NETO2: variants seen among roughly 807,000 people sequenced by gnomAD.
NETO2 encodes the protein neuropilin and tolloid-like protein 2.
Under a neutral mutation model 62.5 loss-of-function variants are expected in NETO2, and 28 were observed. The observed-to-expected ratio is 0.45, with a 90% CI of 0.33 to 0.61. NETO2 has a LOEUF of 0.61. NETO2 is among the 20% of genes least tolerant of loss of function. The pLI is 0.02. For synonymous variants in NETO2, 214 were observed against 219.1 expected, an observed-to-expected ratio of 0.98 and a Z score of 0.21; for missense variants, 548 against 643.2, an observed-to-expected ratio of 0.85 and a Z score of 1.60.
intron 6 of NETO2, among the ~76,000 whole-genome samples, chr16:47,115,427 A>C (rs1177679353): frequency 1.3e-5 from 2 of 152,058 alleles, no homozygotes; most frequent in Non-Finnish European, 2.9e-5. Flanking sequence ...GTTTTCAGTT[A>C]ACAGATACTA....
intron 7 of NETO2, among the ~76,000 whole-genome samples, chr16:47,103,872 A>C (rs1467416578): frequency 1.3e-5 from 2 of 152,196 alleles, no homozygotes; most frequent in Non-Finnish European, 2.9e-5. Context: ...AATAGAAAAA[A>C]AATTTCCTTC....
intron 7 of NETO2, among the ~76,000 whole-genome samples, chr16:47,106,536 C>A (rs1414882743): frequency 6.6e-6 from 1 of 152,042 alleles, no homozygotes; most frequent in Non-Finnish European, 1.5e-5. Context: ...CGAAATTACA[C>A]AACTTTTTAA....
chr16:47,086,746 T>A (rs1963198344), intron 7 of NETO2, among the ~76,000 whole-genome samples: 1 of 152,168 alleles, frequency 6.6e-6, no homozygotes, highest in African/African-American at 2.4e-5. Context: ...CCTCAAAAAG[T>A]TAAAGATAGA....
chr16:47,109,472 T>A lies in NETO2; in HGVS notation c.883+11A>T. On this transcript the variant is annotated intron_variant, in intron 7 of 8. Transcript: ENST00000562435. ...TAAAAGATCTCAATACTATAGGAAT[T>A]ATTTACTTACGCTCCACAAAGGAAG... 1 of 1,589,766 alleles carries A rather than the reference T, an allele frequency of 6.3e-7. No homozygotes were observed. The highest frequency in any genetic ancestry group is 8.6e-7 in the Non-Finnish European group (1 of 1,162,242).
intron 7 of NETO2, among the ~76,000 whole-genome samples, chr16:47,108,896 A>C (rs994375993): frequency 1.3e-5 from 2 of 152,236 alleles, no homozygotes; most frequent in Admixed American, 6.5e-5. Context: ...AAGTTATTTA[A>C]AAAGAAAAAG....
Position 47,132,045 on chromosome 16 carries a change from GAA to G in NETO2, c.35-22_35-21del. 3.2e-6 allele frequency: 5 copies of G among 1,576,576 alleles called. No homozygotes were observed. The highest frequency in any genetic ancestry group is 4.4e-6 in the Non-Finnish European group (5 of 1,148,306). ...ACAACACTAGAGAAATAACAGAGAA[GAA>G]AAGTTATGAAATTGAATCTATACTA... On this transcript the variant is annotated intron_variant, in intron 1 of 8. Transcript: ENST00000562435.
rs7189436 is a variant in NETO2 at position 47,079,318 on chromosome 16, A to G, written c.*3903T>C. On this transcript the variant is annotated 3_prime_UTR_variant, in exon 9 of 9. Transcript: ENST00000562435. ...AACAGAAAAACAAAAACAGAAGGCC[A>G]GGCGCGGTGGCTCACGCCTGTAATC... 0.99 allele frequency: 149,992 copies of G among 151,912 alleles called. 74,061 individuals are homozygous for G. Among genetic ancestry groups the G allele is most frequent in the East Asian group, 1 (4,998 of 4,998 alleles). 9.4% of individuals were successfully genotyped at this position (151,912 alleles called of 1,614,324 possible). A position where few individuals can be genotyped will look rare whatever the true frequency, so the allele number is the denominator to read the frequency against.
chr16:47,142,061 G>C (rs774182403), intron 1 of NETO2, among the ~76,000 whole-genome samples: 1 of 152,180 alleles, frequency 6.6e-6, no homozygotes, highest in East Asian at 1.9e-4. Context: ...CAACCTTACC[G>C]TAGTGAGGGC....
rs1028669998 is a variant in NETO2 at position 47,080,339 on chromosome 16, T to C, written c.*2882A>G. The C allele has an allele frequency of 1.3e-5, 2 of 152,218 alleles. No homozygotes were observed. Among genetic ancestry groups the C allele is most frequent in the Non-Finnish European group, 2.9e-5 (2 of 68,034 alleles). 9.4% of individuals were successfully genotyped at this position (152,218 alleles called of 1,614,324 possible). On this transcript the variant is annotated 3_prime_UTR_variant, in exon 9 of 9. Transcript: ENST00000562435. Reference sequence around the variant, plus strand: ...TGAAGATATTTATCCCTTCCAGATTTGCATTTTGTGTTCAACACTGGGACA... The same window carrying C: ...TGAAGATATTTATCCCTTCCAGATTCGCATTTTGTGTTCAACACTGGGACA...
At chr16:47,123,401 G>A (rs1262207363) in intron 4 of NETO2, among the ~76,000 whole-genome samples, 2 of 152,082 alleles carry the variant, frequency 1.3e-5, no homozygotes, top group East Asian at 1.9e-4. Flanking sequence ...AGCTACTTGG[G>A]AAGCTGACCT....
Position 47,080,529 on chromosome 16 carries a change from A to G in NETO2, c.*2692T>C, listed in dbSNP as rs757829083. 1.4e-4 allele frequency: 22 copies of G among 152,370 alleles called. No homozygotes were observed. Among genetic ancestry groups the G allele is most frequent in the Admixed American group, 2.6e-4 (4 of 15,312 alleles). The allele number at this position is 152,370 out of a possible 1,614,324, so 9.4% of individuals were successfully genotyped here. On this transcript the variant is annotated 3_prime_UTR_variant, in exon 9 of 9. Coordinates refer to ENST00000562435, the MANE Select transcript of NETO2 (RefSeq NM_018092.5). ...ATTAAAGGCTGTATATACAGCAATT[A>G]GCATTATTCTGGCAATAATGCCTAA...
rs1464874109 is a variant in NETO2, at chr16:47,078,623, A to G, written c.*4598T>C. 1.3e-5 allele frequency: 2 copies of G among 152,254 alleles called. No individual in the cohort carries two copies. Among genetic ancestry groups the G allele is most frequent in the Non-Finnish European group, 2.9e-5 (2 of 68,032 alleles). The allele number at this position is 152,254 out of a possible 1,614,324, so 9.4% of individuals were successfully genotyped here. A position where few individuals can be genotyped will look rare whatever the true frequency, so the allele number is the denominator to read the frequency against. On this transcript the variant is annotated 3_prime_UTR_variant, in exon 9 of 9. Transcript: ENST00000562435. ...GATTTTGCAGAAAACTAAAATATCC[A>G]AGATAATCTTGTTATTTACAGTAAC... is the stretch of plus-strand genomic sequence containing the variant.
Position 47,139,268 on chromosome 16 carries a change from C to A in NETO2, c.34+4311G>T, listed in dbSNP as rs774823468. Reference sequence around the variant, plus strand: ...CATAGCACAGTAACTGACAGGCACACATCTTGGATGAACAAACAGTAGCCA... The same window carrying A: ...CATAGCACAGTAACTGACAGGCACAAATCTTGGATGAACAAACAGTAGCCA... On this transcript the variant is annotated intron_variant, in intron 1 of 8. Coordinates refer to ENST00000562435, the MANE Select transcript of NETO2 (RefSeq NM_018092.5). 4.3e-4 allele frequency among the ~76,000 whole-genome samples: 66 copies of A among 152,196 alleles called. 1 individual carries two copies. The highest frequency in any genetic ancestry group is 1.3e-4 in the Non-Finnish European group (9 of 68,036).
At chr16:47,117,042 CATG>C (rs143114087) in intron 6 of NETO2, among the ~76,000 whole-genome samples, 88 of 152,286 alleles carry the variant, frequency 5.8e-4, no homozygotes, top group Non-Finnish European at 6.8e-4. Context: ...CATGAAGTTT[CATG>C]ATTTTTTCTA....
chr16:47,086,774 C>A (rs994788417), intron 7 of NETO2, among the ~76,000 whole-genome samples: 1 of 152,142 alleles, frequency 6.6e-6, no homozygotes, highest in South Asian at 2.1e-4. Context: ...TATGATCCAG[C>A]AATTTTACTT....
chr16:47,105,017 G>C (rs1289113296), intron 7 of NETO2, among the ~76,000 whole-genome samples: 1 of 143,828 alleles, frequency 7.0e-6, no homozygotes, highest in Non-Finnish European at 1.5e-5. Flanking sequence ...ACTGTGCCTG[G>C]CCTTTTTTTT....
At chr16:47,091,271 C>T (rs1389697436) in intron 7 of NETO2, among the ~76,000 whole-genome samples, 1 of 152,096 alleles carries the variant, frequency 6.6e-6, no homozygotes, top group African/African-American at 2.4e-5. Context: ...TAAACTTATT[C>T]TTACATTTGG....
intron 7 of NETO2, among the ~76,000 whole-genome samples, chr16:47,095,721 CT>C (rs2143837167): frequency 6.6e-6 from 1 of 152,212 alleles, no homozygotes; most frequent in South Asian, 2.1e-4. Flanking sequence ...TAATTGGAGA[CT>C]TCAACATTGC....
chr16:47,138,479 C>T (rs999462872), intron 1 of NETO2, among the ~76,000 whole-genome samples: 1 of 152,176 alleles, frequency 6.6e-6, no homozygotes, highest in African/African-American at 2.4e-5. Context: ...AACAACAATT[C>T]CCCTAAGTTG....
Sources: allele counts gnomAD v4.1 joint callset (sites outside exome capture counted in the v4.1 genomes callset), GRCh38; gene constraint gnomAD v4.1.1; transcripts MANE v1.5; gene names NCBI Gene and HGNC (gene_info 2026-07-23, HGNC 2026-07-21).